Variants in FAT3 observed in about 807,000 individuals in gnomAD.
FAT3 encodes the protein protocadherin Fat 3.
Under a neutral mutation model 310.2 loss-of-function variants are expected in FAT3, and 95 were observed. The ratio of observed to expected loss-of-function variants is 0.31; its 90% CI spans 0.26 to 0.36. The LOEUF (loss-of-function observed/expected upper bound fraction) is 0.36. Among genes scored for constraint, FAT3 ranks in the 10% least tolerant of loss-of-function variants. The pLI is 1.00. For missense variants in FAT3, 5,408 were observed against 5,715.6 expected (o/e 0.95, Z 1.74); for synonymous variants, 2,314 against 2,192.9 (o/e 1.06, Z -1.54).
At chr11:92,625,936 A>C (rs1941313681) in intron 3 of FAT3, among the ~76,000 whole-genome samples, 1 of 152,156 alleles carries the variant, frequency 6.6e-6, no homozygotes, top group Non-Finnish European at 1.5e-5. Flanking sequence ...TACTGAAATT[A>C]ATGAGTATTG....
Position 92,419,947 on chromosome 11 carries a change from T to A in FAT3, c.3292+64543T>A, listed in dbSNP as rs529062819. Among the ~76,000 whole-genome samples the A allele has an allele frequency of 4.7e-4, 71 of 152,326 alleles. No homozygotes were observed. The South Asian group carries it at 0.015, about 32-fold the overall frequency. ...TCGGGAAGATAGGAAATTTGGTTTATATAAGAAATCATTTCCTTAAGGATA... is the reference window on the plus strand; with the variant it reads ...TCGGGAAGATAGGAAATTTGGTTTAAATAAGAAATCATTTCCTTAAGGATA... On this transcript the variant is annotated intron_variant, in intron 2 of 27. Coordinates refer to ENST00000525166, the MANE Select transcript of FAT3 (RefSeq NM_001367949.2).
intron 1 of FAT3, among the ~76,000 whole-genome samples, chr11:92,226,393 C>A (rs1428792956): frequency 6.6e-5 from 10 of 151,814 alleles, no homozygotes; most frequent in Non-Finnish European, 1.5e-4. Flanking sequence ...CCACCGTTCT[C>A]CTCTTGTGGG....
chr11:92,734,168 A>G (rs1438598102), intron 4 of FAT3, among the ~76,000 whole-genome samples: 1 of 152,216 alleles, frequency 6.6e-6, no homozygotes, highest in East Asian at 1.9e-4. Flanking sequence ...CTTAATAACC[A>G]AACCCTGAGT....
intron 2 of FAT3, among the ~76,000 whole-genome samples, chr11:92,391,625 A>G (rs1360279373): frequency 6.6e-6 from 1 of 152,154 alleles, no homozygotes; most frequent in Non-Finnish European, 1.5e-5. Context: ...ATTTGTATGT[A>G]GTTTGCATCT....
At chr11:92,442,103 A>ATTTTTTTTTTTTTT (rs1324843422) in intron 2 of FAT3, among the ~76,000 whole-genome samples, 1 of 14,608 alleles carries the variant, frequency 6.8e-5, no homozygotes, top group African/African-American at 2.0e-4. Flanking sequence ...ATATATATAT[A>ATTTTTTTTTTTTTT]TATATATATT....
chr11:92,229,514 G>GTTTTTTTTTTTTTTTTTTTTTTTTT (rs1241053262), intron 1 of FAT3, among the ~76,000 whole-genome samples: 2 of 59,308 alleles, frequency 3.4e-5, no homozygotes, highest in African/African-American at 6.2e-5. Context: ...TTTGTTTTTT[G>GTTTTTTTTTTTTTTTTTTTTTTTTT]TTTTTTTTTA....
At chr11:92,832,099 G>A in intron 14 of FAT3, 88 bp downstream of exon 14, 1 of 1,401,208 alleles carries the variant, frequency 7.1e-7, no homozygotes, top group Non-Finnish European at 9.5e-7. Context: ...GGGAGGCTGA[G>A]GCAAGAAGAT....
chr11:92,238,454 G>C (rs1351266155), intron 1 of FAT3, among the ~76,000 whole-genome samples: 1 of 152,090 alleles, frequency 6.6e-6, no homozygotes, highest in East Asian at 1.9e-4. Flanking sequence ...GAGGAACTGA[G>C]GGTATCTTGA....
Position 92,798,097 on chromosome 11 carries a change from C to T in FAT3, c.5084C>T (p.Ala1695Val). Reference sequence around the variant, plus strand: ...GGAACATCAGTCATTCTAATCTCTGCCATCAGTCAATCTACCCTCATTTAT... The same window carrying T: ...GGAACATCAGTCATTCTAATCTCTGTCATCAGTCAATCTACCCTCATTTAT... ...DIGTSVILIS[A>V]ISQSTLIYEV... is the part of the protein sequence containing the mutation. The change falls in exon 10 of 28, where the codon GCC (alanine) becomes GTC (valine). Residue 1695 changes from alanine (A) to valine (V), a missense_variant. By Grantham distance (64) the Ala-to-Val change is moderately conservative. Coordinates refer to ENST00000525166, the MANE Select transcript of FAT3 (RefSeq NM_001367949.2). The T allele has an allele frequency of 6.2e-7, 1 of 1,613,872 alleles. No homozygotes were observed. Among genetic ancestry groups the T allele is most frequent in the Non-Finnish European group, 8.5e-7 (1 of 1,179,846 alleles).
At chr11:92,802,323 C>T (rs1240042976) in intron 10 of FAT3, among the ~76,000 whole-genome samples, 1 of 152,188 alleles carries the variant, frequency 6.6e-6, no homozygotes, top group Non-Finnish European at 1.5e-5. Flanking sequence ...GCTTCACATG[C>T]ACACTTCCCC....
At chr11:92,870,802 G>A (rs1476628383) in intron 22 of FAT3, among the ~76,000 whole-genome samples, 1 of 152,210 alleles carries the variant, frequency 6.6e-6, no homozygotes, top group Non-Finnish European at 1.5e-5. Flanking sequence ...TTAATGGTAA[G>A]AGCTACCGCT....
rs1953250413 is a variant in FAT3 at position 92,510,340 on chromosome 11, T to C, written c.3293-14294T>C. Among the ~76,000 whole-genome samples, 3 of 152,120 alleles carry C rather than the reference T, an allele frequency of 2.0e-5. No homozygotes were observed. The East Asian group carries it at 5.8e-4, about 29-fold the overall frequency. On this transcript the variant is annotated intron_variant, in intron 2 of 27. Coordinates refer to ENST00000525166, the MANE Select transcript of FAT3 (RefSeq NM_001367949.2). ...TTTCTGTGTGTATGAATCTATACCA[T>C]TGTGCTGTGTATGGTGGTTATGCAA...
chr11:92,402,643 G>A (rs1413548306), intron 2 of FAT3, among the ~76,000 whole-genome samples: 1 of 151,620 alleles, frequency 6.6e-6, no homozygotes, highest in Admixed American at 6.6e-5. Flanking sequence ...TGAGGTGGGA[G>A]GATCACTTGA....
chr11:92,308,161 A>G (rs1377178178), intron 1 of FAT3, among the ~76,000 whole-genome samples: 1 of 152,080 alleles, frequency 6.6e-6, no homozygotes, highest in South Asian at 2.1e-4. Flanking sequence ...GTGTGTGTGC[A>G]TGTGCCACAT....
intron 1 of FAT3, among the ~76,000 whole-genome samples, chr11:92,323,848 T>A (rs1341866984): frequency 1.3e-5 from 2 of 152,188 alleles, no homozygotes; most frequent in African/African-American, 4.8e-5. Context: ...GCGTTGACTG[T>A]TTTCTAGCTA....
At chr11:92,441,831 G>A (rs1303694914) in intron 2 of FAT3, among the ~76,000 whole-genome samples, 3 of 151,848 alleles carry the variant, frequency 2.0e-5, no homozygotes, top group Non-Finnish European at 4.4e-5. Context: ...GAAGCTCCTA[G>A]GGATGGGTCT....
In FAT3 at chr11:92,546,595, T is replaced by C. The variant is rs553218663; in HGVS notation, c.3607+21647T>C. 7.9e-5 allele frequency among the ~76,000 whole-genome samples: 12 copies of C among 152,356 alleles called. 1 individual carries two copies. In the South Asian group the frequency reaches 2.3e-3, roughly 29 times the overall value. On this transcript the variant is annotated intron_variant, in intron 3 of 27. Transcript: ENST00000525166. The stretch of plus-strand genomic sequence containing the variant: ...ATTAGGGTCACCACTGAGTTTTCAA[T>C]ATTTAAAAAAATGACCGTACATAGT...
chr11:92,333,392 A>G (rs928105550), intron 1 of FAT3, among the ~76,000 whole-genome samples: 3 of 152,210 alleles, frequency 2.0e-5, no homozygotes, highest in African/African-American at 7.2e-5. Flanking sequence ...CCCTGGAATC[A>G]TTGAAATTCT....
chr11:92,407,912 G>A (rs1950166792), intron 2 of FAT3: 1 of 152,212 alleles, frequency 6.6e-6, no homozygotes, highest in African/African-American at 2.4e-5. Context: ...GGAAGCTTTT[G>A]CTGCAGAAAT....
Sources: gnomAD v4.1 joint callset for allele counts (sites outside exome capture counted in the v4.1 genomes callset) on GRCh38, gnomAD v4.1.1 for gene constraint, MANE v1.5 for transcripts, NCBI Gene and HGNC (gene_info 2026-07-23, HGNC 2026-07-21) for gene names.